Variants in PRICKLE2 observed in about 807,000 individuals in gnomAD.
PRICKLE2 encodes prickle planar cell polarity protein 2.
A neutral mutation model predicts 81.4 loss-of-function variants in PRICKLE2; 21 were observed. That is an observed-to-expected ratio of 0.26 (90% CI 0.18 to 0.37). PRICKLE2 has a LOEUF of 0.37. PRICKLE2 is among the 10% of genes least tolerant of loss of function. PRICKLE2 has a pLI of 1.00. For synonymous variants in PRICKLE2, 456 were observed against 421.5 expected, an observed-to-expected ratio of 1.08 and a Z score of -1.00; for missense variants, 940 against 1,109.0, an observed-to-expected ratio of 0.85 and a Z score of 2.16.
intron 7 of PRICKLE2, among the ~76,000 whole-genome samples, chr3:64,115,449 G>T (rs2076919040): frequency 6.6e-6 from 1 of 152,082 alleles, no homozygotes; most frequent in South Asian, 2.1e-4. Context: ...CTGTCTTCAA[G>T]AGACCCATCT....
At chr3:64,119,658 A>G (rs1240339084) in intron 7 of PRICKLE2, among the ~76,000 whole-genome samples, 1 of 152,210 alleles carries the variant, frequency 6.6e-6, no homozygotes, top group Non-Finnish European at 1.5e-5. Context: ...GAGATTTCTC[A>G]AAGAACTTAA....
At position 64,097,886 on chromosome 3, in the gene PRICKLE2, T is replaced by G. The variant is rs1233425788; in HGVS notation, c.*1165A>C. 1 of 152,714 alleles carries G rather than the reference T, an allele frequency of 6.5e-6. No individual in the cohort carries two copies. The highest frequency in any genetic ancestry group is 1.9e-4 in the East Asian group (1 of 5,192). 9.5% of individuals were successfully genotyped at this position (152,714 alleles called of 1,614,324 possible). On this transcript the variant is annotated 3_prime_UTR_variant, in exon 8 of 8. Coordinates refer to ENST00000638394, the MANE Select transcript of PRICKLE2 (RefSeq NM_198859.4). ...TCTACCCTTGACCTGCCTTCTGTTTTCAAATAGCCTTGTTCCTTCTCCAGG... is the reference window on the plus strand; with the variant it reads ...TCTACCCTTGACCTGCCTTCTGTTTGCAAATAGCCTTGTTCCTTCTCCAGG...
intron 7 of PRICKLE2, among the ~76,000 whole-genome samples, chr3:64,113,775 C>G (rs2076888816): frequency 6.6e-6 from 1 of 151,610 alleles, no homozygotes; most frequent in Non-Finnish European, 1.5e-5. Context: ...CCCCCACACC[C>G]TCAGGGATCA....
intron 2 of PRICKLE2, among the ~76,000 whole-genome samples, chr3:64,254,554 G>A (rs2079497075): frequency 6.6e-6 from 1 of 152,058 alleles, no homozygotes; most frequent in South Asian, 2.1e-4. Flanking sequence ...AACTGGCCAG[G>A]ACTAATTATT....
intron 1 of PRICKLE2, among the ~76,000 whole-genome samples, chr3:64,219,064 C>T (rs898897774): frequency 1.3e-5 from 2 of 152,150 alleles, no homozygotes; most frequent in East Asian, 3.9e-4. Flanking sequence ...GGAAGCTTCC[C>T]GCCATTCTCT....
At chr3:64,175,478 C>T (rs2078007353) in intron 2 of PRICKLE2, among the ~76,000 whole-genome samples, 1 of 152,088 alleles carries the variant, frequency 6.6e-6, no homozygotes, top group Admixed American at 6.6e-5. Context: ...TTTGTCTACA[C>T]CAAAGTAGTA....
intron 2 of PRICKLE2, among the ~76,000 whole-genome samples, chr3:64,231,089 T>C (rs1186405699): frequency 6.6e-6 from 1 of 152,186 alleles, no homozygotes; most frequent in Non-Finnish European, 1.5e-5. Context: ...TTTTTCCCTA[T>C]CATCTTAGGA....
chr3:64,216,889 G>A (rs1378405258), intron 1 of PRICKLE2, among the ~76,000 whole-genome samples: 1 of 152,200 alleles, frequency 6.6e-6, no homozygotes, highest in African/African-American at 2.4e-5. Context: ...AAGGGTGGGG[G>A]TGTCATCTTT....
rs1292276907 is a variant in PRICKLE2 at position 64,147,639 on chromosome 3, C to G, written c.851G>C (p.Cys284Ser). ...GAGGGATTTCTTGCAGTGAGCACAGCAGAAACAGGTCTCAGTGGCATGCCA... is the reference window on the plus strand; with the variant it reads ...GAGGGATTTCTTGCAGTGAGCACAGGAGAAACAGGTCTCAGTGGCATGCCA... Reference protein sequence around the residue: ...QHWHATETCFCCAHCKKSLLG... With the variant: ...QHWHATETCFSCAHCKKSLLG... Residue 284 changes from cysteine to serine, a missense_variant, in exon 7 of 8, where the codon TGC (cysteine) becomes TCC (serine). Cys to Ser is a moderately radical substitution (Grantham distance 112). Coordinates refer to ENST00000638394, the MANE Select transcript of PRICKLE2 (RefSeq NM_198859.4). The surrounding 1 kb of genome is among the most constrained non-coding windows in gnomAD (Gnocchi z 5.0). 1 of 1,613,976 alleles carries G rather than the reference C, an allele frequency of 6.2e-7. No individual in the cohort carries two copies. Among genetic ancestry groups the G allele is most frequent in the East Asian group, 2.2e-5 (1 of 44,882 alleles).
chr3:64,215,042 C>T (rs2078850760), intron 1 of PRICKLE2, among the ~76,000 whole-genome samples: 1 of 152,096 alleles, frequency 6.6e-6, no homozygotes, highest in African/African-American at 2.4e-5. Context: ...CTTCTAGAAT[C>T]TAATTTCCAC....
At chr3:64,173,998 T>C (rs2077977568) in intron 2 of PRICKLE2, among the ~76,000 whole-genome samples, 1 of 152,206 alleles carries the variant, frequency 6.6e-6, no homozygotes, top group Non-Finnish European at 1.5e-5. Flanking sequence ...GGATGTGAGT[T>C]AAACATAGTG....
intron 7 of PRICKLE2, among the ~76,000 whole-genome samples, chr3:64,126,128 A>G (rs1232253439): frequency 2.6e-5 from 4 of 152,204 alleles, no homozygotes; most frequent in Non-Finnish European, 5.9e-5. Flanking sequence ...AGAAAACAGT[A>G]AAATTTCATG....
intron 2 of PRICKLE2, among the ~76,000 whole-genome samples, chr3:64,198,263 A>C (rs982801364): frequency 7.1e-6 from 1 of 141,584 alleles, no homozygotes; most frequent in African/African-American, 2.8e-5. Context: ...AATAAAACAA[A>C]AAAAATTTCA....
At chr3:64,248,680 C>G (rs958944368) in intron 2 of PRICKLE2, among the ~76,000 whole-genome samples, 2 of 151,280 alleles carry the variant, frequency 1.3e-5, no homozygotes, top group African/African-American at 4.8e-5. Context: ...ACAAAAAAAC[C>G]ATTACTTCCC....
intron 2 of PRICKLE2, among the ~76,000 whole-genome samples, chr3:64,242,812 C>T (rs1341351837): frequency 1.3e-5 from 2 of 152,200 alleles, no homozygotes; most frequent in Admixed American, 1.3e-4. Flanking sequence ...AATGATGGGG[C>T]CAAGAGTGTA....
chr3:64,212,780 C>T (rs1463132044), intron 1 of PRICKLE2, among the ~76,000 whole-genome samples: 1 of 152,058 alleles, frequency 6.6e-6, no homozygotes, highest in Non-Finnish European at 1.5e-5. Flanking sequence ...TAGGTCCTAC[C>T]CTATGTCTAG....
At chr3:64,157,619 G>A (rs2077658461) in intron 4 of PRICKLE2, among the ~76,000 whole-genome samples, 1 of 152,202 alleles carries the variant, frequency 6.6e-6, no homozygotes, top group Non-Finnish European at 1.5e-5. Flanking sequence ...GGGAAAGAAA[G>A]AAAAGCTCTT....
chr3:64,236,593 T>C (rs927500560), intron 2 of PRICKLE2, among the ~76,000 whole-genome samples: 1 of 152,216 alleles, frequency 6.6e-6, no homozygotes, highest in African/African-American at 2.4e-5. Flanking sequence ...ATCTTAAATA[T>C]TCCATAAGAC....
At position 64,235,641 on chromosome 3, in the gene PRICKLE2, A is replaced by T. The variant is rs986544971; in HGVS notation, c.129-36674T>A. On this transcript the variant is annotated intron_variant, in intron 2 of 8. Transcript: ENST00000295902. Reference sequence around the variant, plus strand: ...TGTGCAGCTTCTGATGTCCCTCCGGAGGGCCTGAGACCAGTTTTCCTATTG... The same window carrying T: ...TGTGCAGCTTCTGATGTCCCTCCGGTGGGCCTGAGACCAGTTTTCCTATTG... 3.7e-4 allele frequency among the ~76,000 whole-genome samples: 56 copies of T among 152,158 alleles called. 1 individual carries two copies. Among genetic ancestry groups the T allele is most frequent in the Non-Finnish European group, 1.2e-4 (8 of 68,030 alleles).
Sources: gnomAD v4.1 joint callset for allele counts (sites outside exome capture counted in the v4.1 genomes callset) on GRCh38, gnomAD v4.1.1 for gene constraint, Gnocchi (gnomAD v3.1) non-coding constraint, MANE v1.5 for transcripts, NCBI Gene and HGNC (gene_info 2026-07-23, HGNC 2026-07-21) for gene names.